MGAT5: variants seen among roughly 807,000 people sequenced by gnomAD.
The protein encoded by MGAT5 is alpha-1,6-mannosylglycoprotein 6-beta-N-acetylglucosaminyltransferase.
Under a neutral mutation model 94.3 loss-of-function variants are expected in MGAT5, and 30 were observed. That is an observed-to-expected ratio of 0.32 (90% CI 0.24 to 0.43). The LOEUF is 0.43. Ranked by LOEUF, MGAT5 falls within the 20% of genes least tolerant of loss-of-function variation. MGAT5 has a pLI of 1.00. For missense variants in MGAT5, 691 were observed against 905.5 expected (o/e 0.76, Z 3.04); for synonymous variants, 310 against 322.9 (o/e 0.96, Z 0.43).
At chr2:134,432,330 T>G (rs1363242766) in intron 14 of MGAT5, among the ~76,000 whole-genome samples, 1 of 152,188 alleles carries the variant, frequency 6.6e-6, no homozygotes, top group African/African-American at 2.4e-5. Flanking sequence ...AGAAGCATTC[T>G]GGAGAGAGGG....
chr2:134,419,563 A>T (rs1009306313), intron 12 of MGAT5, among the ~76,000 whole-genome samples: 1 of 151,518 alleles, frequency 6.6e-6, no homozygotes, highest in Non-Finnish European at 1.5e-5. Context: ...ATTTAATAAG[A>T]TTTTCATTAC....
chr2:134,272,643 C>G (rs1684100355), intron 2 of MGAT5, among the ~76,000 whole-genome samples: 1 of 152,152 alleles, frequency 6.6e-6, no homozygotes, highest in Admixed American at 6.5e-5. Flanking sequence ...AGTTCCTCTG[C>G]CTGACCCTCC....
chr2:134,277,940 A>C (rs1684478052), intron 2 of MGAT5, among the ~76,000 whole-genome samples: 1 of 152,200 alleles, frequency 6.6e-6, no homozygotes, highest in African/African-American at 2.4e-5. Flanking sequence ...TGTTTTGTCA[A>C]TAATCTCTTG....
intron 1 of MGAT5, among the ~76,000 whole-genome samples, chr2:134,232,135 A>T (rs1466927856): frequency 6.6e-6 from 1 of 151,932 alleles, no homozygotes; most frequent in African/African-American, 2.4e-5. Context: ...GTCATTGCCC[A>T]CTGTCCTGCT....
In MGAT5 at chr2:134,287,140, CT is replaced by C. The variant is rs569906042; in HGVS notation, c.406+16594del. ...TATTCCTACCCCTTCTCTCATATCA[CT>C]TTTCTCTCATCTTATCCTTCCTGTT... On this transcript the variant is annotated intron_variant, in intron 2 of 15. Coordinates refer to ENST00000281923, the MANE Select transcript of MGAT5 (RefSeq NM_002410.5). Among the ~76,000 whole-genome samples, 16 of 152,284 alleles carry C rather than the reference CT, an allele frequency of 1.1e-4. No individual in the cohort carries two copies. The East Asian group carries it at 3.1e-3, about 29-fold the overall frequency.
intron 10 of MGAT5, among the ~76,000 whole-genome samples, chr2:134,381,387 T>TAGATAGATAGATA (rs1681570022): frequency 2.1e-5 from 1 of 46,850 alleles, no homozygotes; most frequent in African/African-American, 7.1e-5. Context: ...ATAGATTAGA[T>TAGATAGATAGATA]AGATAGATAG....
At position 134,450,846 on chromosome 2, in the gene MGAT5, T is replaced by C. The variant is rs1431017956; in HGVS notation, c.*1999T>C. On this transcript the variant is annotated 3_prime_UTR_variant, in exon 16 of 16. Coordinates refer to ENST00000281923, the MANE Select transcript of MGAT5 (RefSeq NM_002410.5). ...TGTGTGTGTGTATGAGCCTGTGCAT[T>C]TCTTTTAAGCAAGGGCAGTTTCCTG... is the stretch of plus-strand genomic sequence containing the variant. 1 of 150,988 alleles carries C rather than the reference T, an allele frequency of 6.6e-6. No homozygotes were observed. Among genetic ancestry groups the C allele is most frequent in the Non-Finnish European group, 1.5e-5 (1 of 67,958 alleles). 9.4% of individuals were successfully genotyped at this position (150,988 alleles called of 1,614,324 possible). A position where few individuals can be genotyped will look rare whatever the true frequency, so the allele number is the denominator to read the frequency against.
At chr2:134,369,419 G>C (rs1680641147) in intron 10 of MGAT5, among the ~76,000 whole-genome samples, 1 of 152,152 alleles carries the variant, frequency 6.6e-6, no homozygotes, top group Non-Finnish European at 1.5e-5. Flanking sequence ...TGGGAACCTG[G>C]CTCTGGGCCA....
chr2:134,340,801 CA>C (rs2106000555), intron 6 of MGAT5, among the ~76,000 whole-genome samples: 1 of 152,274 alleles, frequency 6.6e-6, no homozygotes, highest in South Asian at 2.1e-4. Flanking sequence ...GGACTGCTAA[CA>C]TCCCAAGACA....
At chr2:134,352,338 T>C (rs1407619210) in intron 9 of MGAT5, among the ~76,000 whole-genome samples, 8 of 152,096 alleles carry the variant, frequency 5.3e-5, no homozygotes, top group Non-Finnish European at 1.2e-4. Context: ...AATAATATGG[T>C]CCATTAATAG....
intron 10 of MGAT5, among the ~76,000 whole-genome samples, chr2:134,396,775 C>A (rs1479425364): frequency 1.3e-5 from 2 of 152,216 alleles, no homozygotes; most frequent in African/African-American, 4.8e-5. Flanking sequence ...TCTGCCAAGC[C>A]TACTGGTTCT....
chr2:134,236,107 A>G (rs1252536621), intron 1 of MGAT5, among the ~76,000 whole-genome samples: 1 of 152,166 alleles, frequency 6.6e-6, no homozygotes, highest in Non-Finnish European at 1.5e-5. Flanking sequence ...TGGGCATACA[A>G]AACCAAAGTT....
At chr2:134,368,164 G>T (rs1403611696) in intron 10 of MGAT5, among the ~76,000 whole-genome samples, 1 of 152,218 alleles carries the variant, frequency 6.6e-6, no homozygotes, top group Non-Finnish European at 1.5e-5. Flanking sequence ...GAGTGAGTCT[G>T]TGGTTACAGC....
chr2:134,448,359 G>T (rs925450134), intron 15 of MGAT5, among the ~76,000 whole-genome samples: 2 of 152,168 alleles, frequency 1.3e-5, no homozygotes, highest in Non-Finnish European at 2.9e-5. Context: ...TCCCTGCTTG[G>T]TGAGTATTTG....
rs150289973 is a variant in MGAT5 at position 134,313,250 on chromosome 2, C to T, written c.407-4279C>T. Among the ~76,000 whole-genome samples, 336 of 152,214 alleles carry T rather than the reference C, an allele frequency of 2.2e-3. 3 individuals carry two copies. Among genetic ancestry groups the T allele is most frequent in the African/African-American group, 7.6e-3 (316 of 41,520 alleles). Reference sequence around the variant, plus strand: ...ACGCCTCACAGGAACACCCCCGCTGCGTGTATTTGTGACATCTCGTGCTGC... The same window carrying T: ...ACGCCTCACAGGAACACCCCCGCTGTGTGTATTTGTGACATCTCGTGCTGC... On this transcript the variant is annotated intron_variant, in intron 2 of 15. Coordinates refer to ENST00000281923, the MANE Select transcript of MGAT5 (RefSeq NM_002410.5).
At chr2:134,161,959 G>A (rs1687757306) in intron 1 of MGAT5, among the ~76,000 whole-genome samples, 1 of 152,038 alleles carries the variant, frequency 6.6e-6, no homozygotes, top group Non-Finnish European at 1.5e-5. Context: ...GGGAGGCTGA[G>A]GCGGGCAGAT....
intron 1 of MGAT5, among the ~76,000 whole-genome samples, chr2:134,136,592 T>C (rs1686421494): frequency 6.6e-6 from 1 of 152,060 alleles, no homozygotes; most frequent in African/African-American, 2.4e-5. Flanking sequence ...ATAAAATAAA[T>C]AAATAAATAT....
intron 4 of MGAT5, among the ~76,000 whole-genome samples, chr2:134,324,159 A>C (rs1687508439): frequency 6.6e-6 from 1 of 152,128 alleles, no homozygotes; most frequent in African/African-American, 2.4e-5. Context: ...ACCTTTCCAG[A>C]GTTCCTAATT....
intron 2 of MGAT5, among the ~76,000 whole-genome samples, chr2:134,286,307 T>A (rs886518110): frequency 1.3e-5 from 2 of 152,200 alleles, no homozygotes; most frequent in African/African-American, 4.8e-5. Context: ...CAAAGCCCCT[T>A]TTCCCCTTTG....
Sources: gnomAD v4.1 joint callset for allele counts (sites outside exome capture counted in the v4.1 genomes callset) on GRCh38, gnomAD v4.1.1 for gene constraint, MANE v1.5 for transcripts, NCBI Gene and HGNC (gene_info 2026-07-23, HGNC 2026-07-21) for gene names.